PCDHGB5: variants seen among roughly 807,000 people sequenced by gnomAD.
The protein encoded by PCDHGB5 is protocadherin gamma-B5.
PCDHGB5 carries 48 observed loss-of-function variants against 62.9 expected under a neutral mutation model. The ratio of observed to expected loss-of-function variants is 0.76; its 90% confidence interval spans 0.61 to 0.97. The LOEUF is 0.97. Ranked by LOEUF, PCDHGB5 falls within the 50% of genes least tolerant of loss-of-function variation. The pLI is 0.00. For synonymous variants in PCDHGB5, 474 were observed against 511.2 expected, an observed-to-expected ratio of 0.93 and a Z score of 0.98; for missense variants, 1,118 against 1,198.6, an observed-to-expected ratio of 0.93 and a Z score of 0.99.
At chr5:141,410,479 G>A in intron 1 of PCDHGB5, 2 of 1,613,956 alleles carry the variant, frequency 1.2e-6, no homozygotes, top group Non-Finnish European at 1.7e-6. Flanking sequence ...TTGCACATAC[G>A]GGTACAAAAG....
chr5:141,404,271 T>A, intron 1 of PCDHGB5: 1 of 1,614,000 alleles, frequency 6.2e-7, no homozygotes, highest in Non-Finnish European at 8.5e-7. Flanking sequence ...CACATCACCC[T>A]GCAAGTGACT....
intron 1 of PCDHGB5, among the ~76,000 whole-genome samples, chr5:141,443,829 A>G (rs1387307023): frequency 6.6e-6 from 1 of 152,228 alleles, no homozygotes; most frequent in Non-Finnish European, 1.5e-5. Flanking sequence ...ATAATTAGGT[A>G]AAATGGGTAA....
At chr5:141,500,184 T>TTATA (rs530565701) in intron 2 of PCDHGB5, among the ~76,000 whole-genome samples, 2 of 135,886 alleles carry the variant, frequency 1.5e-5, no homozygotes, top group Non-Finnish European at 3.2e-5. Flanking sequence ...TCATTTTTAT[T>TTATA]TTTATTTATT....
intron 1 of PCDHGB5, among the ~76,000 whole-genome samples, chr5:141,492,641 G>A (rs2099742804): frequency 6.6e-6 from 1 of 152,226 alleles, no homozygotes; most frequent in African/African-American, 2.4e-5. Flanking sequence ...ACGATCCTTG[G>A]GCCAGAGGTC....
Position 141,511,315 on chromosome 5 carries a change from G to A in PCDHGB5, c.*142G>A. ...AAGGCCATGCTCCCCTTGGGAAACA[G>A]AAACAAGTGCCCAGTCAGCACCTAC... On this transcript the variant is annotated 3_prime_UTR_variant, in exon 4 of 4. Coordinates refer to ENST00000617380, the MANE Select transcript of PCDHGB5 (RefSeq NM_018925.3). 6.8e-7 allele frequency: 1 copy of A among 1,481,384 alleles called. No individual in the cohort carries two copies. Among genetic ancestry groups the A allele is most frequent in the Non-Finnish European group, 9.0e-7 (1 of 1,110,974 alleles). 91.8% of individuals were successfully genotyped at this position (1,481,384 alleles called of 1,614,324 possible).
At chr5:141,442,737 G>A (rs1376026431) in intron 1 of PCDHGB5, among the ~76,000 whole-genome samples, 1 of 152,152 alleles carries the variant, frequency 6.6e-6, no homozygotes, top group Non-Finnish European at 1.5e-5. Flanking sequence ...CTGTAGGTAA[G>A]GAGCATGTTT....
At chr5:141,423,510 TGCGGACTC>T in intron 1 of PCDHGB5, 1 of 1,613,792 alleles carries the variant, frequency 6.2e-7, no homozygotes, top group South Asian at 1.1e-5. Context: ...TCTCTCTCAT[TGCGGACTC>T]GCAGAAGAGT....
rs62379205 is a variant in PCDHGB5, at chr5:141,491,971, T to G, written c.2398-2836T>G. On this transcript the variant is annotated intron_variant, in intron 1 of 3. Coordinates refer to ENST00000617380, the MANE Select transcript of PCDHGB5 (RefSeq NM_018925.3). This position sits in a 1 kb window ranked among gnomAD's most constrained non-coding sequence, Gnocchi z 6.9. ...CCTACACTCAAAAAAGGCCGGGGCC[T>G]CCTTCGAGCTTCCGGTGAATTTCGG... The G allele has an allele frequency of 3.6e-6, 3 of 831,948 alleles. No homozygotes were observed. Among genetic ancestry groups the G allele is most frequent in the Admixed American group, 3.7e-5 (1 of 26,692 alleles). The allele number at this position is 831,948 out of a possible 1,614,324, so 51.5% of individuals were successfully genotyped here.
chr5:141,435,603 T>C (rs1195458514), intron 1 of PCDHGB5, among the ~76,000 whole-genome samples: 1 of 152,218 alleles, frequency 6.6e-6, no homozygotes, highest in African/African-American at 2.4e-5. Flanking sequence ...GCCTGCTTTT[T>C]ACATTAAATT....
At chr5:141,461,740 G>T (rs770518286) in intron 1 of PCDHGB5, among the ~76,000 whole-genome samples, 1 of 152,072 alleles carries the variant, frequency 6.6e-6, no homozygotes, top group African/African-American at 2.4e-5. Context: ...GCACAATCCC[G>T]GCTCCCAGAT....
intron 1 of PCDHGB5, chr5:141,427,780 TGTCGTCCTAC>T (rs892399327): frequency 8.9e-6 from 13 of 1,455,886 alleles, no homozygotes; most frequent in Middle Eastern, 1.7e-4. Context: ...CTGCGGGCAC[TGTCGTCCTAC>T]GTGTCCGTGA....
intron 1 of PCDHGB5, among the ~76,000 whole-genome samples, chr5:141,446,338 G>T (rs964323259): frequency 6.6e-6 from 1 of 152,128 alleles, no homozygotes; most frequent in African/African-American, 2.4e-5. Flanking sequence ...GGAACTGGAT[G>T]GACAAAGCTA....
intron 1 of PCDHGB5, among the ~76,000 whole-genome samples, chr5:141,471,046 CT>C (rs1170588345): frequency 0.24 from 27,253 of 113,216 alleles, 2,739 homozygotes; most frequent in African/African-American, 0.39. Context: ...CCCAAGCCCT[CT>C]TTTTTTTTTT....
chr5:141,476,656 T>C lies in PCDHGB5; in HGVS notation c.2398-18151T>C. 1 of 1,614,210 alleles carries C rather than the reference T, an allele frequency of 6.2e-7. No individual in the cohort carries two copies. Among genetic ancestry groups the C allele is most frequent in the Non-Finnish European group, 8.5e-7 (1 of 1,180,044 alleles). On this transcript the variant is annotated intron_variant, in intron 1 of 3. Coordinates refer to ENST00000617380, the MANE Select transcript of PCDHGB5 (RefSeq NM_018925.3). This position sits in a 1 kb window ranked among gnomAD's most constrained non-coding sequence, Gnocchi z 7.6. ...ATGAGCTGAGCCGAAATGAATACTT[T>C]GCGCTTCGCGTGCAGACGCGGGAGG...
intron 1 of PCDHGB5, among the ~76,000 whole-genome samples, chr5:141,449,440 C>T (rs2098639026): frequency 6.6e-6 from 1 of 151,742 alleles, no homozygotes; most frequent in Admixed American, 6.6e-5. Flanking sequence ...AACTCCATCT[C>T]TACTAAAAAT....
intron 1 of PCDHGB5, chr5:141,478,592 TC>T: frequency 6.4e-7 from 1 of 1,570,334 alleles, no homozygotes; most frequent in Non-Finnish European, 8.6e-7. Flanking sequence ...GCTTTTTTAT[TC>T]CTACATCATA....
At chr5:141,496,285 A>G (rs1003747820) in intron 2 of PCDHGB5, among the ~76,000 whole-genome samples, 1 of 152,210 alleles carries the variant, frequency 6.6e-6, no homozygotes, top group Non-Finnish European at 1.5e-5. Flanking sequence ...AGTTGGTCTG[A>G]GCAGAGTGGG....
At chr5:141,403,591 G>C in intron 1 of PCDHGB5, 2 of 1,613,836 alleles carry the variant, frequency 1.2e-6, no homozygotes, top group South Asian at 1.1e-5. Flanking sequence ...TGGTCCTCAC[G>C]GCCTCGGATG....
chr5:141,409,914 G>T lies in PCDHGB5; in HGVS notation c.2397+9390G>T, dbSNP rs772848211. 58 of 1,613,230 alleles carry T rather than the reference G, an allele frequency of 3.6e-5. No homozygotes were observed. In the East Asian group the frequency reaches 1.2e-3, roughly 35 times the overall value. On this transcript the variant is annotated intron_variant, in intron 1 of 3. Transcript: ENST00000617380. ...CTGTACCCAGCTCTGGGTCCTGACGGCTCCGCGTTCTTCGATATGGTACCT... is the reference window on the plus strand; with the variant it reads ...CTGTACCCAGCTCTGGGTCCTGACGTCTCCGCGTTCTTCGATATGGTACCT...
Sources: gnomAD v4.1 joint callset for allele counts (sites outside exome capture counted in the v4.1 genomes callset) on GRCh38, gnomAD v4.1.1 for gene constraint, Gnocchi (gnomAD v3.1) non-coding constraint, MANE v1.5 for transcripts, NCBI Gene and HGNC (gene_info 2026-07-23, HGNC 2026-07-21) for gene names.